Variants in RAP1A observed in about 807,000 individuals in gnomAD.
The protein encoded by RAP1A is ras-related protein Rap-1A.
RAP1A carries 6 observed loss-of-function variants against 26.4 expected under a neutral mutation model. The ratio of observed to expected loss-of-function variants is 0.23; its 90% CI spans 0.12 to 0.45. The LOEUF is 0.45. Ranked by LOEUF, RAP1A falls within the 20% of genes least tolerant of loss-of-function variation. The pLI, the probability that RAP1A is intolerant of heterozygous loss-of-function variation, is 0.99. For missense variants in RAP1A, 121 were observed against 217.2 expected (o/e 0.56, Z 2.78); for synonymous variants, 73 against 79.4 (o/e 0.92, Z 0.43).
At chr1:111,621,712 ACTCT>A (rs1178346064) in intron 1 of RAP1A, among the ~76,000 whole-genome samples, 6 of 152,100 alleles carry the variant, frequency 3.9e-5, no homozygotes, top group African/African-American at 1.4e-4. Context: ...AAATATATAA[ACTCT>A]CTCCCCAGAA....
chr1:111,648,565 C>T (rs558463294), intron 1 of RAP1A: 9 of 556,676 alleles, frequency 1.6e-5, no homozygotes, highest in African/African-American at 5.6e-5. Flanking sequence ...AGCAGGATCC[C>T]GTTTAGCTGC....
chr1:111,688,819 T>G (rs1195872285), intron 1 of RAP1A, among the ~76,000 whole-genome samples: 57 of 73,500 alleles, frequency 7.8e-4, no homozygotes, highest in African/African-American at 2.1e-3. Flanking sequence ...TTTTTTTTTT[T>G]TTGTTTTTTT....
chr1:111,627,318 C>T (rs754646967), intron 1 of RAP1A, among the ~76,000 whole-genome samples: 2 of 151,870 alleles, frequency 1.3e-5, no homozygotes, highest in Non-Finnish European at 2.9e-5. Context: ...CTGTTTTGAT[C>T]ATACTTTTTT....
In RAP1A at chr1:111,713,320, TA is replaced by T. The variant is rs1159749538; in HGVS notation, c.*920del. ...TATTTATTCCTACTATACAGTAAAA[TA>T]CATCAGACAACATAGAATAGTTTTG... On this transcript the variant is annotated 3_prime_UTR_variant, in exon 8 of 8. Coordinates refer to ENST00000369709, the MANE Select transcript of RAP1A (RefSeq NM_002884.4). 1 of 152,154 alleles carries T rather than the reference TA, an allele frequency of 6.6e-6. No homozygotes were observed. The highest frequency in any genetic ancestry group is 1.5e-5 in the Non-Finnish European group (1 of 67,992). 9.4% of individuals were successfully genotyped at this position (152,154 alleles called of 1,614,324 possible). A position where few individuals can be genotyped will look rare whatever the true frequency, so the allele number is the denominator to read the frequency against.
intron 1 of RAP1A, among the ~76,000 whole-genome samples, chr1:111,569,936 C>G (rs1658013752): frequency 1.3e-5 from 2 of 152,156 alleles, no homozygotes; most frequent in Admixed American, 1.3e-4. Flanking sequence ...GAACAGGAGT[C>G]TCTGTGGTAT....
chr1:111,588,584 C>T lies in RAP1A; in HGVS notation c.-28+46075C>T, dbSNP rs116979115. On this transcript the variant is annotated intron_variant, in intron 1 of 7. Coordinates refer to the RAP1A transcript ENST00000356415. ...CTTCCTGTTTTCTGATCACACTTGACTGTATACACATGATGTTTCATGCCC... is the reference window on the plus strand; with the variant it reads ...CTTCCTGTTTTCTGATCACACTTGATTGTATACACATGATGTTTCATGCCC... Among the ~76,000 whole-genome samples, 47 of 152,268 alleles carry T rather than the reference C, an allele frequency of 3.1e-4. No individual in the cohort carries two copies. In the East Asian group the frequency reaches 7.7e-3, roughly 25 times the overall value.
chr1:111,614,351 C>A (rs921666644), intron 1 of RAP1A, among the ~76,000 whole-genome samples: 1 of 152,164 alleles, frequency 6.6e-6, no homozygotes, highest in African/African-American at 2.4e-5. Context: ...GCCTTTGTAT[C>A]CTTAGCAGGA....
chr1:111,572,219 A>C (rs760043572), intron 1 of RAP1A, among the ~76,000 whole-genome samples: 1 of 152,196 alleles, frequency 6.6e-6, no homozygotes, highest in Non-Finnish European at 1.5e-5. Flanking sequence ...CTTTCACCAC[A>C]TTCCAAAGGC....
At chr1:111,709,049 A>G in intron 6 of RAP1A, 100 bp from the exon 7 acceptor site, 1 of 1,383,594 alleles carries the variant, frequency 7.2e-7, no homozygotes, top group Non-Finnish European at 9.5e-7. Flanking sequence ...AAGAAGCAGA[A>G]TGCAGATCTA....
At chr1:111,629,387 C>A (rs906861101) in intron 1 of RAP1A, among the ~76,000 whole-genome samples, 1 of 152,016 alleles carries the variant, frequency 6.6e-6, no homozygotes, top group African/African-American at 2.4e-5. Context: ...AGCAAGTTAG[C>A]CAGAGATTGA....
intron 1 of RAP1A, among the ~76,000 whole-genome samples, chr1:111,553,469 C>T (rs552054162): frequency 2.6e-5 from 4 of 152,258 alleles, no homozygotes; most frequent in South Asian, 2.1e-4. Flanking sequence ...CCATCATCCA[C>T]GCAACAGGAT....
intron 1 of RAP1A, among the ~76,000 whole-genome samples, chr1:111,639,617 T>G (rs1041682722): frequency 1.3e-5 from 2 of 152,142 alleles, no homozygotes; most frequent in African/African-American, 2.4e-5. Flanking sequence ...TCAAATGGTT[T>G]TAGTGTTCTG....
intron 1 of RAP1A, among the ~76,000 whole-genome samples, chr1:111,548,075 C>CA (rs1247120768): frequency 6.6e-6 from 1 of 152,236 alleles, no homozygotes; most frequent in Non-Finnish European, 1.5e-5. Flanking sequence ...GGCTGGTGTG[C>CA]AGTGGCACAA....
chr1:111,633,750 A>G (rs1349019885), intron 1 of RAP1A, among the ~76,000 whole-genome samples: 2 of 152,212 alleles, frequency 1.3e-5, no homozygotes, highest in Admixed American at 6.5e-5. Context: ...CAACTTTTAC[A>G]TTGGAATATG....
intron 1 of RAP1A, among the ~76,000 whole-genome samples, chr1:111,560,914 T>A (rs1657712802): frequency 6.6e-6 from 1 of 152,208 alleles, no homozygotes; most frequent in South Asian, 2.1e-4. Flanking sequence ...CAATTTGCTC[T>A]TCCTCCTGTA....
intron 1 of RAP1A, among the ~76,000 whole-genome samples, chr1:111,630,429 T>A (rs961857744): frequency 7.9e-5 from 12 of 152,190 alleles, no homozygotes; most frequent in East Asian, 5.8e-4. Context: ...GAACCACAGA[T>A]TTAGCAGTGA....
chr1:111,665,032 T>A (rs1660758951), intron 1 of RAP1A, among the ~76,000 whole-genome samples: 1 of 152,232 alleles, frequency 6.6e-6, no homozygotes, highest in East Asian at 1.9e-4. Flanking sequence ...AGTTAAGCCT[T>A]GTATGTTTCT....
intron 1 of RAP1A, among the ~76,000 whole-genome samples, chr1:111,637,791 G>A (rs920039900): frequency 6.6e-6 from 1 of 151,914 alleles, no homozygotes. Context: ...ATGTGAATTT[G>A]CCATCATTTG....
chr1:111,623,707 T>A (rs1160228663), intron 1 of RAP1A, among the ~76,000 whole-genome samples: 2 of 152,220 alleles, frequency 1.3e-5, no homozygotes, highest in Non-Finnish European at 2.9e-5. Flanking sequence ...ATTGTTTTTG[T>A]TAAATAGGTC....
Sources: gnomAD v4.1 joint callset for allele counts (sites outside exome capture counted in the v4.1 genomes callset) on GRCh38, gnomAD v4.1.1 for gene constraint, MANE v1.5 for transcripts, NCBI Gene and HGNC (gene_info 2026-07-23, HGNC 2026-07-21) for gene names.